The following LZTS1 variants were observed in gnomAD, a reference collection of about 807,000 sequenced individuals.
The protein encoded by LZTS1 is leucine zipper putative tumor suppressor 1.
In LZTS1, 31 loss-of-function variants were observed where a neutral mutation model predicts 45.8. That is an observed-to-expected ratio of 0.68 (90% CI 0.51 to 0.91). The LOEUF is 0.91. Among genes scored for constraint, LZTS1 ranks in the 40% least tolerant of loss-of-function variants. LZTS1 has a pLI of 0.00. For synonymous variants in LZTS1, 359 were observed against 357.3 expected, an observed-to-expected ratio of 1.00 and a Z score of -0.05; for missense variants, 821 against 788.9, an observed-to-expected ratio of 1.04 and a Z score of -0.49.
Position 20,253,516 on chromosome 8 carries a change from G to T in LZTS1, c.415C>A (p.His139Asn), listed in dbSNP as rs1353772728. Residue 139 changes from histidine (H) to asparagine (N), a missense_variant, in exon 3 of 4, where the codon CAC becomes AAC. Coordinates refer to ENST00000381569, the MANE Select transcript of LZTS1 (RefSeq NM_021020.5). ...PVLPRSGAIL[H>N]SSPESASHQL... Reference sequence around the variant, plus strand: ...TGGCTGGCACTCTCCGGGGAGGAGTGCAGGATGGCTCCTGACCGTGGCAGC... The same window carrying T: ...TGGCTGGCACTCTCCGGGGAGGAGTTCAGGATGGCTCCTGACCGTGGCAGC... The T allele has an allele frequency of 2.6e-6, 4 of 1,560,618 alleles. No homozygotes were observed. The African/African-American group carries it at 4.0e-5, about 16-fold the overall frequency.
At chr8:20,291,690 T>G (rs1800903386) in intron 1 of LZTS1, among the ~76,000 whole-genome samples, 2 of 151,370 alleles carry the variant, frequency 1.3e-5, no homozygotes, top group Admixed American at 6.6e-5. Flanking sequence ...CCATGCTGAC[T>G]TTTCTTCACG....
chr8:20,302,907 C>A (rs2128900546), intron 1 of LZTS1, among the ~76,000 whole-genome samples: 1 of 151,984 alleles, frequency 6.6e-6, no homozygotes, highest in East Asian at 1.9e-4. Context: ...ACTTGGAGCA[C>A]GAAAAAGAGA....
intron 1 of LZTS1, among the ~76,000 whole-genome samples, chr8:20,267,388 GC>G (rs1242218517): frequency 6.6e-6 from 1 of 152,136 alleles, no homozygotes; most frequent in Non-Finnish European, 1.5e-5. Context: ...TTCTGGTGCT[GC>G]CTCACTCCTG....
chr8:20,280,001 C>G (rs994724640), intron 1 of LZTS1, among the ~76,000 whole-genome samples: 1 of 151,312 alleles, frequency 6.6e-6, no homozygotes. Flanking sequence ...CTGAAATTGC[C>G]AGTGAATTTT....
intron 1 of LZTS1, among the ~76,000 whole-genome samples, chr8:20,280,162 TG>T (rs1028515037): frequency 2.0e-5 from 3 of 152,178 alleles, no homozygotes; most frequent in Non-Finnish European, 4.4e-5. Context: ...CAGATGAGGC[TG>T]GATTTCCCTC....
At chr8:20,284,710 G>C (rs1019624790) in intron 1 of LZTS1, among the ~76,000 whole-genome samples, 1 of 152,098 alleles carries the variant, frequency 6.6e-6, no homozygotes, top group Non-Finnish European at 1.5e-5. Flanking sequence ...CTTGGGGCCT[G>C]CATCATCTCA....
intron 1 of LZTS1, among the ~76,000 whole-genome samples, chr8:20,283,227 G>A (rs144705572): frequency 6.6e-6 from 1 of 152,316 alleles, no homozygotes; most frequent in East Asian, 1.9e-4. Flanking sequence ...AAATGCATAT[G>A]TCGAAACTTA....
At chr8:20,293,412 G>A (rs1414151483) in intron 1 of LZTS1, among the ~76,000 whole-genome samples, 1 of 152,172 alleles carries the variant, frequency 6.6e-6, no homozygotes, top group Non-Finnish European at 1.5e-5. Context: ...TCGTCTGCCT[G>A]GAAATCACAC....
chr8:20,280,089 A>G (rs1189427053), intron 1 of LZTS1, among the ~76,000 whole-genome samples: 1 of 152,118 alleles, frequency 6.6e-6, no homozygotes, highest in African/African-American at 2.4e-5. Context: ...GCCTTAGGCC[A>G]TCCTCCTACA....
At chr8:20,261,647 T>C (rs938084290) in intron 1 of LZTS1, among the ~76,000 whole-genome samples, 2 of 152,194 alleles carry the variant, frequency 1.3e-5, no homozygotes, top group Non-Finnish European at 2.9e-5. Flanking sequence ...GAGAGAGGCA[T>C]GGAGTTGCAA....
Position 20,255,099 on chromosome 8 carries a change from G to A in LZTS1, c.83C>T (p.Ser28Phe), listed in dbSNP as rs1243630136. Residue 28 changes from serine to phenylalanine, a missense_variant, in exon 2 of 4, where the codon TCC becomes TTC. Coordinates refer to ENST00000381569, the MANE Select transcript of LZTS1 (RefSeq NM_021020.5). ...CRASQYKLRK[S>F]SHLKKLNRYS... ...CCGGTTGAGCTTCTTGAGGTGGGAG[G>A]ACTTGCGCAGCTTGTACTGCGAAGC... 3 of 1,614,084 alleles carry A rather than the reference G, an allele frequency of 1.9e-6. No homozygotes were observed. Among genetic ancestry groups the A allele is most frequent in the Non-Finnish European group, 2.5e-6 (3 of 1,180,050 alleles).
intron 1 of LZTS1, among the ~76,000 whole-genome samples, chr8:20,271,909 G>A (rs1303647376): frequency 6.6e-6 from 1 of 152,232 alleles, no homozygotes; most frequent in African/African-American, 2.4e-5. Context: ...TGCCTGGTGG[G>A]GCAGCCGCAG....
intron 3 of LZTS1, 81 bp downstream of exon 3, chr8:20,252,701 A>C: frequency 7.5e-7 from 1 of 1,332,532 alleles, no homozygotes; most frequent in Non-Finnish European, 1.0e-6. Context: ...TTTGCACGCT[A>C]TTGGCCGGCA....
intron 1 of LZTS1, among the ~76,000 whole-genome samples, chr8:20,274,960 A>ACT (rs1800546940): frequency 3.8e-5 from 2 of 52,568 alleles, no homozygotes; most frequent in East Asian, 5.9e-4. Flanking sequence ...CTGCCATGAT[A>ACT]CTGTGTGTGT....
intron 1 of LZTS1, among the ~76,000 whole-genome samples, chr8:20,257,059 G>T (rs1800121206): frequency 6.6e-6 from 1 of 152,058 alleles, no homozygotes; most frequent in Admixed American, 6.6e-5. Context: ...CCTAAAAATG[G>T]TGTCAAATGG....
At chr8:20,254,775 C>T (rs1222394258) in intron 2 of LZTS1, 62 bp downstream of exon 2, 1 of 1,373,918 alleles carries the variant, frequency 7.3e-7, no homozygotes, top group Non-Finnish European at 9.8e-7. Flanking sequence ...AGGCTCTCCA[C>T]CCCCATTTTG....
chr8:20,300,008 C>G (rs1801047946), intron 1 of LZTS1, among the ~76,000 whole-genome samples: 2 of 152,222 alleles, frequency 1.3e-5, no homozygotes, highest in African/African-American at 4.8e-5. Context: ...TAGGTCACAC[C>G]TAGAATGGTC....
intron 1 of LZTS1, among the ~76,000 whole-genome samples, chr8:20,266,691 AAGC>A: frequency 6.6e-6 from 1 of 152,368 alleles, no homozygotes; most frequent in Non-Finnish European, 1.5e-5. Context: ...AGGGTTTAAA[AAGC>A]AGCATGAATT....
chr8:20,256,082 A>AAAG (rs1480594189), intron 1 of LZTS1, among the ~76,000 whole-genome samples: 3 of 147,482 alleles, frequency 2.0e-5, no homozygotes, highest in East Asian at 1.9e-4. Flanking sequence ...AAAAAAAAAA[A>AAAG]AAGAAGAAGA....
Sources: gnomAD v4.1 joint callset for allele counts (sites outside exome capture counted in the v4.1 genomes callset) on GRCh38, gnomAD v4.1.1 for gene constraint, MANE v1.5 for transcripts, NCBI Gene and HGNC (gene_info 2026-07-23, HGNC 2026-07-21) for gene names.